The following RUNDC3B variants were observed in gnomAD, a reference collection of about 807,000 sequenced individuals.
RUNDC3B encodes RUN domain-containing protein 3B.
RUNDC3B carries 33 observed loss-of-function variants against 58.4 expected under a neutral mutation model. That is an observed-to-expected ratio of 0.56 (90% CI 0.43 to 0.75). The LOEUF (loss-of-function observed/expected upper bound fraction) is 0.75, where lower values mean the gene tolerates loss of function less well. Ranked by LOEUF, RUNDC3B falls within the 30% of genes least tolerant of loss-of-function variation. The pLI is 0.00. For synonymous variants in RUNDC3B, 193 were observed against 195.2 expected (o/e 0.99, Z 0.10); for missense variants, 501 against 535.7 (o/e 0.94, Z 0.64).
chr7:87,821,642 A>G (rs1490130445), intron 10 of RUNDC3B, among the ~76,000 whole-genome samples: 1 of 152,256 alleles, frequency 6.6e-6, no homozygotes, highest in Non-Finnish European at 1.5e-5. Flanking sequence ...TTCAAACTAT[A>G]CTACAATGCT....
At chr7:87,653,825 T>C (rs1823816315) in intron 2 of RUNDC3B, among the ~76,000 whole-genome samples, 1 of 152,036 alleles carries the variant, frequency 6.6e-6, no homozygotes, top group Non-Finnish European at 1.5e-5. Context: ...CACTGATTTG[T>C]TAGTATTGCT....
intron 10 of RUNDC3B, among the ~76,000 whole-genome samples, chr7:87,827,725 CA>C (rs1310239399): frequency 5.9e-5 from 9 of 151,898 alleles, no homozygotes; most frequent in Non-Finnish European, 1.2e-4. Context: ...ATCAAATAGA[CA>C]AAAAAGAATA....
At chr7:87,727,591 T>C (rs2130787180) in intron 4 of RUNDC3B, among the ~76,000 whole-genome samples, 1 of 152,250 alleles carries the variant, frequency 6.6e-6, no homozygotes. Context: ...AGCTACATTT[T>C]TTTCCCAGAT....
At chr7:87,736,870 TATATATATATATA>T (rs1831979892) in intron 4 of RUNDC3B, among the ~76,000 whole-genome samples, 4 of 39,024 alleles carry the variant, frequency 1.0e-4, no homozygotes, top group East Asian at 6.6e-4. Flanking sequence ...TATATATATA[TATATATATATATA>T]TATATATTTT....
intron 1 of RUNDC3B, among the ~76,000 whole-genome samples, chr7:87,641,491 G>T (rs1202473883): frequency 6.6e-6 from 1 of 152,070 alleles, no homozygotes; most frequent in Non-Finnish European, 1.5e-5. Flanking sequence ...CTTGGATTTG[G>T]TATATTTTCT....
rs1468348829 is a variant in RUNDC3B at position 87,628,584 on chromosome 7, C to CGTGCGTGCGTGTGT, written c.-237_-236insCGTGCGTGTGTGTG. ...CGAGGGCGGAGGTGGTGCGTGCGTG[C>CGTGCGTGCGTGTGT]GTGTGTGTGTGTGTGTGTGTGTGTG... On this transcript the variant is annotated 5_prime_UTR_variant, in exon 1 of 11. Transcript: ENST00000394654. 7.2e-6 allele frequency: 2 copies of CGTGCGTGCGTGTGT among 278,404 alleles called. No individual in the cohort carries two copies. The highest frequency in any genetic ancestry group is 4.8e-5 in the African/African-American group (2 of 41,374). The allele number at this position is 278,404 out of a possible 1,614,324, so 17.2% of individuals were successfully genotyped here.
At chr7:87,827,765 G>T (rs1837899929) in intron 10 of RUNDC3B, among the ~76,000 whole-genome samples, 1 of 151,850 alleles carries the variant, frequency 6.6e-6, no homozygotes. Context: ...TAATTACTAG[G>T]GTATATCTTA....
intron 4 of RUNDC3B, among the ~76,000 whole-genome samples, chr7:87,739,284 G>T (rs1413778817): frequency 6.6e-6 from 1 of 151,838 alleles, no homozygotes; most frequent in African/African-American, 2.4e-5. Flanking sequence ...CACTATTAAG[G>T]TTACCATAAA....
chr7:87,798,235 A>C (rs961457021), intron 8 of RUNDC3B, among the ~76,000 whole-genome samples: 1 of 152,216 alleles, frequency 6.6e-6, no homozygotes, highest in Non-Finnish European at 1.5e-5. Context: ...GGAATTTAAC[A>C]AACCTTTTAA....
At chr7:87,735,106 T>G (rs112157351) in intron 4 of RUNDC3B, among the ~76,000 whole-genome samples, 4,538 of 152,272 alleles carry the variant, frequency 0.03, 63 homozygotes, top group Middle Eastern at 0.048. Context: ...ATACTAATTT[T>G]TTTTCCCCTG....
At chr7:87,697,249 A>AT (rs1828572671) in intron 2 of RUNDC3B, among the ~76,000 whole-genome samples, 1 of 152,094 alleles carries the variant, frequency 6.6e-6, no homozygotes, top group Non-Finnish European at 1.5e-5. Flanking sequence ...ACAATGTTGT[A>AT]TTTTCCCTTG....
At chr7:87,699,121 A>T (rs758554892) in intron 2 of RUNDC3B, among the ~76,000 whole-genome samples, 1 of 152,256 alleles carries the variant, frequency 6.6e-6, no homozygotes, top group Admixed American at 6.5e-5. Context: ...TATCTCAGAC[A>T]TTGGTCCTAA....
Position 87,739,879 on chromosome 7 carries a change from A to C in RUNDC3B, c.547A>C (p.Ser183Arg). The change falls in exon 5 of 11, where the codon AGT (serine) becomes CGT (arginine). Residue 183 changes from serine to arginine, a missense_variant and splice_region_variant. By Grantham distance (110) the Ser-to-Arg change is moderately radical. Coordinates refer to ENST00000394654, the MANE Select transcript of RUNDC3B (RefSeq NM_001134405.2). ...MLLGLNAIDF[S>R]FCLKGEGLDG... is the part of the protein sequence containing the mutation. The stretch of plus-strand genomic sequence containing the variant: ...TCTAGGACTCAATGCTATTGATTTC[A>C]GGTACTTAACCAAATGCATTCAGTT... 1 of 1,505,358 alleles carries C rather than the reference A, an allele frequency of 6.6e-7. No individual in the cohort carries two copies. Among genetic ancestry groups the C allele is most frequent in the Non-Finnish European group, 9.1e-7 (1 of 1,093,044 alleles). The allele number at this position is 1,505,358 out of a possible 1,614,324, so 93.3% of individuals were successfully genotyped here.
chr7:87,663,697 G>A (rs999848235), intron 2 of RUNDC3B, among the ~76,000 whole-genome samples: 7 of 152,138 alleles, frequency 4.6e-5, no homozygotes, highest in African/African-American at 1.7e-4. Context: ...AATTCTCTGA[G>A]TGTTCTTAGA....
chr7:87,728,769 A>T (rs1831396981), intron 4 of RUNDC3B, among the ~76,000 whole-genome samples: 1 of 152,224 alleles, frequency 6.6e-6, no homozygotes, highest in Admixed American at 6.5e-5. Context: ...TTTAGAAGGC[A>T]TTATGCTACC....
intron 2 of RUNDC3B, among the ~76,000 whole-genome samples, chr7:87,699,275 A>AT (rs1259486675): frequency 3.3e-5 from 5 of 152,180 alleles, no homozygotes; most frequent in African/African-American, 4.8e-5. Context: ...CTACAAGAAG[A>AT]TTAAACAACT....
intron 7 of RUNDC3B, among the ~76,000 whole-genome samples, chr7:87,774,823 A>G (rs1337189172): frequency 1.3e-5 from 2 of 152,166 alleles, no homozygotes; most frequent in South Asian, 2.1e-4. Context: ...TATAATGGAG[A>G]TGAAAAATTC....
intron 7 of RUNDC3B, among the ~76,000 whole-genome samples, chr7:87,773,658 C>CTTGTCTTGTCTTGTT (rs376726869): frequency 2.7e-5 from 4 of 147,292 alleles, no homozygotes; most frequent in African/African-American, 7.5e-5. Flanking sequence ...TTTGTCTTGT[C>CTTGTCTTGTCTTGTT]TTGTTTTGTT....
intron 6 of RUNDC3B, among the ~76,000 whole-genome samples, chr7:87,749,648 G>A (rs1832846672): frequency 2.0e-5 from 3 of 151,836 alleles, no homozygotes; most frequent in Non-Finnish European, 4.4e-5. Flanking sequence ...CTAATTTTAA[G>A]AAAACATCAG....
Sources: allele counts gnomAD v4.1 joint callset (sites outside exome capture counted in the v4.1 genomes callset), GRCh38; gene constraint gnomAD v4.1.1; transcripts MANE v1.5; gene names NCBI Gene and HGNC (gene_info 2026-07-23, HGNC 2026-07-21).